Variants in SCAPER observed in about 807,000 individuals in gnomAD.
SCAPER encodes S phase cyclin A-associated protein in the endoplasmic reticulum.
In SCAPER, 98 loss-of-function variants were observed where a neutral mutation model predicts 182.2. That is an observed-to-expected ratio of 0.54 (90% confidence interval 0.46 to 0.64). The LOEUF (loss-of-function observed/expected upper bound fraction) is 0.64. Ranked by LOEUF, SCAPER falls within the 30% of genes least tolerant of loss-of-function variation. The probability of loss-of-function intolerance (pLI) is 0.00; values close to 1 mark genes in which losing one functional copy is unlikely to be tolerated. For synonymous variants in SCAPER, 605 were observed against 564.6 expected (o/e 1.07, Z -1.01); for missense variants, 1,432 against 1,690.0 (o/e 0.85, Z 2.68).
chr15:76,762,105 T>A (rs1265935617), intron 14 of SCAPER, among the ~76,000 whole-genome samples: 2 of 152,200 alleles, frequency 1.3e-5, no homozygotes, highest in African/African-American at 4.8e-5. Flanking sequence ...CTGCTCTCTT[T>A]TGGTTACAAT....
At chr15:76,698,821 G>A (rs892772191) in intron 20 of SCAPER, among the ~76,000 whole-genome samples, 2 of 152,210 alleles carry the variant, frequency 1.3e-5, no homozygotes, top group Non-Finnish European at 2.9e-5. Flanking sequence ...TAGTTTGATA[G>A]GAATAGCATT....
intron 14 of SCAPER, among the ~76,000 whole-genome samples, chr15:76,761,583 AT>A (rs2062791384): frequency 6.6e-6 from 1 of 152,002 alleles, no homozygotes; most frequent in Non-Finnish European, 1.5e-5. Flanking sequence ...TAGTTTTCAC[AT>A]TTTTGCTAAT....
At position 76,535,126 on chromosome 15, in the gene SCAPER, T is replaced by C. The variant is rs554655019; in HGVS notation, c.2839-30152A>G. Among the ~76,000 whole-genome samples the C allele has an allele frequency of 1.1e-4, 17 of 152,256 alleles. 1 individual carries two copies. In the South Asian group the frequency reaches 1.5e-3, roughly 13 times the overall value. ...GAGTTAGACACACTCAGTGGGTCTATAGAAATGAATTTAACATTTATGATT... is the reference window on the plus strand; with the variant it reads ...GAGTTAGACACACTCAGTGGGTCTACAGAAATGAATTTAACATTTATGATT... On this transcript the variant is annotated intron_variant, in intron 23 of 31. Coordinates refer to ENST00000563290, the MANE Select transcript of SCAPER (RefSeq NM_020843.4).
intron 21 of SCAPER, among the ~76,000 whole-genome samples, chr15:76,663,075 T>C (rs1256532582): frequency 6.6e-6 from 1 of 152,156 alleles, no homozygotes; most frequent in Non-Finnish European, 1.5e-5. Context: ...GTCTGATAAC[T>C]TGCAGTCAGA....
chr15:76,478,149 G>A (rs752679815), intron 24 of SCAPER, among the ~76,000 whole-genome samples: 9 of 151,678 alleles, frequency 5.9e-5, no homozygotes, highest in Non-Finnish European at 1.2e-4. Flanking sequence ...TTAGGCATAA[G>A]GGAAAAAGAC....
intron 27 of SCAPER, among the ~76,000 whole-genome samples, chr15:76,390,893 C>T (rs1294449155): frequency 2.6e-5 from 4 of 152,114 alleles, no homozygotes; most frequent in Non-Finnish European, 1.5e-5. Flanking sequence ...GATTCCAGTA[C>T]CCTCCTAAAT....
At chr15:76,533,646 A>G (rs2043871462) in intron 23 of SCAPER, among the ~76,000 whole-genome samples, 1 of 129,952 alleles carries the variant, frequency 7.7e-6, no homozygotes, top group South Asian at 2.3e-4. Context: ...TGATCTATGG[A>G]CATATCTTAA....
intron 21 of SCAPER, among the ~76,000 whole-genome samples, chr15:76,645,438 CAT>C (rs1341736167): frequency 6.6e-6 from 1 of 152,022 alleles, no homozygotes; most frequent in Non-Finnish European, 1.5e-5. Context: ...AATGAACAGT[CAT>C]AGACTACTTG....
intron 23 of SCAPER, among the ~76,000 whole-genome samples, chr15:76,522,471 C>G (rs2042907625): frequency 6.6e-6 from 1 of 152,068 alleles, no homozygotes; most frequent in Non-Finnish European, 1.5e-5. Flanking sequence ...AACTGTGATA[C>G]TCAAATTCTA....
chr15:76,769,324 TC>T (rs949645458), intron 10 of SCAPER, among the ~76,000 whole-genome samples: 1 of 151,240 alleles, frequency 6.6e-6, no homozygotes, highest in African/African-American at 2.4e-5. Flanking sequence ...GCGCCTGTAG[TC>T]CCAGCTACTC....
intron 17 of SCAPER, among the ~76,000 whole-genome samples, chr15:76,712,267 T>C (rs1483515592): frequency 6.6e-6 from 1 of 152,210 alleles, no homozygotes; most frequent in African/African-American, 2.4e-5. Flanking sequence ...GCGTTATTTA[T>C]GAGGGCTCTG....
intron 26 of SCAPER, among the ~76,000 whole-genome samples, chr15:76,419,067 CTG>C (rs986415026): frequency 7.9e-5 from 12 of 152,256 alleles, no homozygotes; most frequent in African/African-American, 2.9e-4. Flanking sequence ...GCTACAGTGT[CTG>C]TGATTATTCA....
chr15:76,732,981 C>T (rs1261005761), intron 16 of SCAPER, among the ~76,000 whole-genome samples: 1 of 152,164 alleles, frequency 6.6e-6, no homozygotes, highest in African/African-American at 2.4e-5. Context: ...ACACGCCTTA[C>T]CCTGCCCGTT....
chr15:76,520,878 AC>A (rs1268601238), intron 23 of SCAPER, among the ~76,000 whole-genome samples: 6 of 152,202 alleles, frequency 3.9e-5, no homozygotes, highest in Non-Finnish European at 7.3e-5. Context: ...ACACTGAAAA[AC>A]AAAATTGTTT....
intron 15 of SCAPER, among the ~76,000 whole-genome samples, chr15:76,747,513 A>G (rs775989667): frequency 6.6e-6 from 1 of 151,984 alleles, no homozygotes; most frequent in Non-Finnish European, 1.5e-5. Context: ...AAATATATAT[A>G]TATATGTAAT....
chr15:76,650,178 TA>T (rs2054902796), intron 21 of SCAPER, among the ~76,000 whole-genome samples: 1 of 151,922 alleles, frequency 6.6e-6, no homozygotes, highest in Admixed American at 6.6e-5. Flanking sequence ...GAGCAAACAC[TA>T]AAAATAAAAA....
chr15:76,772,363 C>T (rs1055866252), intron 9 of SCAPER, among the ~76,000 whole-genome samples: 1 of 151,912 alleles, frequency 6.6e-6, no homozygotes, highest in African/African-American at 2.4e-5. Context: ...TGTCTAATAT[C>T]AAATGAGGAC....
chr15:76,579,265 C>CAAAAA (rs71143342), intron 22 of SCAPER, among the ~76,000 whole-genome samples: 579 of 49,422 alleles, frequency 0.012, 105 homozygotes, highest in Non-Finnish European at 0.015. Flanking sequence ...GACTCTGTCT[C>CAAAAA]AAAAAAAAAA....
intron 2 of SCAPER, among the ~76,000 whole-genome samples, chr15:76,870,236 T>TTTTC (rs1405255934): frequency 6.6e-6 from 1 of 152,140 alleles, no homozygotes; most frequent in Non-Finnish European, 1.5e-5. Context: ...TCAAAATAGC[T>TTTTC]AGAAAAGAAT....
Sources: gnomAD v4.1 joint callset for allele counts (sites outside exome capture counted in the v4.1 genomes callset) on GRCh38, gnomAD v4.1.1 for gene constraint, MANE v1.5 for transcripts, NCBI Gene and HGNC (gene_info 2026-07-23, HGNC 2026-07-21) for gene names.